The following PKD1L1 variants were observed in gnomAD, a reference collection of about 807,000 sequenced individuals.
PKD1L1 encodes polycystin 1 like 1, transient receptor potential channel interacting.
In PKD1L1, 236 loss-of-function variants were observed where a neutral mutation model predicts 323.4. The ratio of observed to expected loss-of-function variants is 0.73; its 90% CI spans 0.66 to 0.81. PKD1L1 has a LOEUF of 0.81. Ranked by LOEUF, PKD1L1 falls within the 40% of genes least tolerant of loss-of-function variation. PKD1L1 has a pLI of 0.00. For missense variants in PKD1L1, 3,320 were observed against 3,508.0 expected, an observed-to-expected ratio of 0.95 and a Z score of 1.35; for synonymous variants, 1,344 against 1,335.0, an observed-to-expected ratio of 1.01 and a Z score of -0.15.
chr7:47,775,710 T>G (rs1786551667), intron 56 of PKD1L1, among the ~76,000 whole-genome samples: 1 of 151,242 alleles, frequency 6.6e-6, no homozygotes, highest in South Asian at 2.1e-4. Flanking sequence ...AGCTCTTATG[T>G]GAAAGACTAT....
intron 24 of PKD1L1, among the ~76,000 whole-genome samples, chr7:47,870,382 G>C (rs1308829257): frequency 7.5e-6 from 1 of 133,172 alleles, no homozygotes; most frequent in Non-Finnish European, 1.6e-5. Context: ...AAATAAGAGA[G>C]GGAAAAAGAG....
rs1785869149 is a variant in PKD1L1, at chr7:47,855,122, T to C, written c.4701+33A>G. 5 of 1,610,746 alleles carry C rather than the reference T, an allele frequency of 3.1e-6. No individual in the cohort carries two copies. The African/African-American group carries it at 4.0e-5, about 13-fold the overall frequency. On this transcript the variant is annotated intron_variant, in intron 29 of 56. Transcript: ENST00000289672. Reference sequence around the variant, plus strand: ...TAAAAATCAGCCAGCACAGCCTAAATGAAGTAGAGATACTGAGAAAGGCTC... The same window carrying C: ...TAAAAATCAGCCAGCACAGCCTAAACGAAGTAGAGATACTGAGAAAGGCTC...
In PKD1L1 at chr7:47,840,452, T is replaced by C; in HGVS notation, c.5552+9A>G. ...TTCCCAAATCTAGCAGTGAAATATT[T>C]TGGAATACCTCAGGATAAAGGTGTG... On this transcript the variant is annotated intron_variant, in intron 35 of 56. Transcript: ENST00000289672. The surrounding 1 kb of genome is among the most constrained non-coding windows in gnomAD (Gnocchi z 4.1). The C allele has an allele frequency of 6.2e-7, 1 of 1,601,256 alleles. No homozygotes were observed. The highest frequency in any genetic ancestry group is 8.6e-7 in the Non-Finnish European group (1 of 1,168,266).
At chr7:47,810,521 C>A (rs78032923) in intron 50 of PKD1L1, among the ~76,000 whole-genome samples, 7,257 of 152,216 alleles carry the variant, frequency 0.048, 310 homozygotes, top group East Asian at 0.2. Context: ...GACCAGTGGC[C>A]CATGCTCCCA....
intron 3 of PKD1L1, 66 bp downstream of exon 3, chr7:47,940,127 T>G: frequency 6.4e-7 from 1 of 1,570,536 alleles, no homozygotes; most frequent in Non-Finnish European, 8.7e-7. Flanking sequence ...GGAGGTGCTT[T>G]TTAGCTGTAC....
intron 7 of PKD1L1, among the ~76,000 whole-genome samples, chr7:47,924,007 A>G (rs1191134281): frequency 1.3e-5 from 2 of 152,148 alleles, no homozygotes; most frequent in African/African-American, 2.4e-5. Context: ...ATGATAAATT[A>G]TATATGTCAA....
chr7:47,921,676 T>C (rs1476847104), intron 7 of PKD1L1, among the ~76,000 whole-genome samples: 1 of 14,796 alleles, frequency 6.8e-5, no homozygotes, highest in Non-Finnish European at 1.1e-4. Flanking sequence ...GAAACTGTGA[T>C]ATATATATAT....
At chr7:47,841,704 C>T (rs986088984) in intron 34 of PKD1L1, among the ~76,000 whole-genome samples, 5 of 152,132 alleles carry the variant, frequency 3.3e-5, no homozygotes, top group Non-Finnish European at 7.4e-5. Flanking sequence ...ATTTGGATCT[C>T]TTATGCATAT....
At chr7:47,781,965 G>A (rs575168601) in intron 56 of PKD1L1, among the ~76,000 whole-genome samples, 1 of 152,294 alleles carries the variant, frequency 6.6e-6, no homozygotes, top group South Asian at 2.1e-4. Context: ...GTCAAGATGA[G>A]TTTGGCATAT....
chr7:47,823,046 C>G (rs189013234), intron 45 of PKD1L1, among the ~76,000 whole-genome samples: 1 of 151,878 alleles, frequency 6.6e-6, no homozygotes, highest in East Asian at 1.9e-4. Flanking sequence ...CAAATCAATA[C>G]GTTTTTAACT....
chr7:47,885,529 T>C (rs574476811), intron 18 of PKD1L1, among the ~76,000 whole-genome samples, 157 bp downstream of exon 18: 6 of 152,328 alleles, frequency 3.9e-5, no homozygotes, highest in South Asian at 2.1e-4. Context: ...TCGATGACTA[T>C]TGCACAACCA....
intron 49 of PKD1L1, 81 bp from the exon 50 acceptor site, chr7:47,812,132 C>G (rs1333425605): frequency 8.4e-7 from 1 of 1,188,038 alleles, no homozygotes; most frequent in Admixed American, 2.0e-5. Flanking sequence ...CTGCAGGTCC[C>G]ATGCTGGGAA....
intron 15 of PKD1L1, among the ~76,000 whole-genome samples, chr7:47,891,455 G>A (rs539187705): frequency 6.6e-6 from 1 of 152,320 alleles, no homozygotes; most frequent in East Asian, 1.9e-4. Context: ...CTATGGAAAT[G>A]TTTGTGGCTA....
At chr7:47,852,524 T>G (rs894768803) in intron 31 of PKD1L1, among the ~76,000 whole-genome samples, 2 of 152,086 alleles carry the variant, frequency 1.3e-5, no homozygotes, top group Non-Finnish European at 2.9e-5. Context: ...TGGAAGTCAG[T>G]GTAAGGCGCG....
rs1786342469 is a variant in PKD1L1, at chr7:47,873,915, A to T, written c.3880T>A (p.Cys1294Ser). 6.2e-7 allele frequency: 1 copy of T among 1,613,800 alleles called. No homozygotes were observed. Residue 1294 changes from cysteine (C) to serine (S), a missense_variant, in exon 24 of 57, where the codon TGT becomes AGT. Physicochemically the swap from Cys to Ser is moderately radical, Grantham distance 112. Coordinates refer to ENST00000289672, the MANE Select transcript of PKD1L1 (RefSeq NM_138295.5). ...GTTACTCACAGGTCCTCGCCCAGAC[A>T]GTCATTTCCATGGTAGCGGGGCAGC... ...TVLPRYHGND[C>S]LGEDLYNSSL...
intron 7 of PKD1L1, among the ~76,000 whole-genome samples, chr7:47,927,563 C>T (rs116931428): frequency 5.3e-5 from 8 of 152,164 alleles, no homozygotes; most frequent in East Asian, 3.9e-4. Context: ...CACATCCAGC[C>T]GACAAATTTT....
At chr7:47,856,335 G>A (rs768770457) in intron 28 of PKD1L1, among the ~76,000 whole-genome samples, 4 of 152,130 alleles carry the variant, frequency 2.6e-5, no homozygotes, top group Non-Finnish European at 1.5e-5. Flanking sequence ...CACTGTGCCC[G>A]GCCTCAGTTG....
chr7:47,870,874 G>A (rs1786266489), intron 24 of PKD1L1, among the ~76,000 whole-genome samples: 1 of 150,652 alleles, frequency 6.6e-6, no homozygotes, highest in East Asian at 1.9e-4. Flanking sequence ...TTGGGAGGCG[G>A]AGGTGGAAGG....
In PKD1L1 at chr7:47,936,967, A is replaced by C; in HGVS notation, c.286-9T>G. ...GTTGTTTTCCAAATGTTCTGTAAGA[A>C]AAAATAATAAAATAATGTGAGAGAG... On this transcript the variant is annotated splice_polypyrimidine_tract_variant and intron_variant, in intron 3 of 56. Coordinates refer to ENST00000289672, the MANE Select transcript of PKD1L1 (RefSeq NM_138295.5). 11 of 1,582,920 alleles carry C rather than the reference A, an allele frequency of 6.9e-6. No homozygotes were observed. Among genetic ancestry groups the C allele is most frequent in the Non-Finnish European group, 9.5e-6 (11 of 1,158,688 alleles).
Sources: allele counts gnomAD v4.1 joint callset (sites outside exome capture counted in the v4.1 genomes callset), GRCh38; gene constraint gnomAD v4.1.1; non-coding constraint Gnocchi (gnomAD v3.1); transcripts MANE v1.5; gene names NCBI Gene and HGNC (gene_info 2026-07-23, HGNC 2026-07-21).